Variants in RAD54B observed in about 807,000 individuals in gnomAD.
RAD54B encodes the protein DNA repair and recombination protein RAD54B.
RAD54B carries 78 observed loss-of-function variants against 95.8 expected under a neutral mutation model. The ratio of observed to expected loss-of-function variants is 0.81; its 90% confidence interval spans 0.68 to 0.98. The LOEUF is 0.98. Ranked by LOEUF, RAD54B falls within the 50% of genes least tolerant of loss-of-function variation. The pLI, the probability that RAD54B is intolerant of heterozygous loss-of-function variation, is 0.00. For synonymous variants in RAD54B, 328 were observed against 354.9 expected (o/e 0.92, Z 0.85); for missense variants, 957 against 1,056.6 (o/e 0.91, Z 1.31).
chr8:94,451,219 C>T (rs1217208157), intron 3 of RAD54B, among the ~76,000 whole-genome samples: 1 of 152,092 alleles, frequency 6.6e-6, no homozygotes, highest in Non-Finnish European at 1.5e-5. Flanking sequence ...GCCGGAAGCA[C>T]AAAAACGCTC....
Position 94,467,465 on chromosome 8 carries a change from T to G in RAD54B, c.75A>C (p.Arg25Ser). Residue 25 changes from arginine (R) to serine (S), a missense_variant, in exon 2 of 15, where the codon AGA becomes AGC. By Grantham distance (110) the Arg-to-Ser change is moderately radical. Transcript: ENST00000336148. ...TCTCTTCATTCAGACCTGGATTACTTCTTCCTGGAGGTATAAATTTTGGTT... is the reference window on the plus strand; with the variant it reads ...TCTCTTCATTCAGACCTGGATTACTGCTTCCTGGAGGTATAAATTTTGGTT... ...FKKPKFIPPGRSNPGLNEEIT... is the reference protein window; with the variant it reads ...FKKPKFIPPGSSNPGLNEEIT... 6.2e-7 allele frequency: 1 copy of G among 1,613,786 alleles called. No individual in the cohort carries two copies. The highest frequency in any genetic ancestry group is 8.5e-7 in the Non-Finnish European group (1 of 1,179,856).
intron 3 of RAD54B, among the ~76,000 whole-genome samples, chr8:94,412,751 T>C (rs1272049002): frequency 1.3e-5 from 2 of 152,192 alleles, no homozygotes; most frequent in African/African-American, 4.8e-5. Context: ...CAAAAGCATA[T>C]AAAGTATAAA....
chr8:94,411,443 G>C, intron 3 of RAD54B, 128 bp from the exon 4 acceptor site: 1 of 692,398 alleles, frequency 1.4e-6, no homozygotes, highest in Non-Finnish European at 2.3e-6. Context: ...AAGAATATTT[G>C]ATCATACTCA....
chr8:94,403,572 G>A (rs936974808), intron 6 of RAD54B, among the ~76,000 whole-genome samples: 6 of 151,846 alleles, frequency 4.0e-5, no homozygotes, highest in Non-Finnish European at 8.8e-5. Flanking sequence ...AGCTACTCAG[G>A]AGGCTGAGAT....
chr8:94,401,159 T>C (rs1416050158), intron 6 of RAD54B, among the ~76,000 whole-genome samples: 5 of 152,174 alleles, frequency 3.3e-5, no homozygotes, highest in Admixed American at 6.6e-5. Flanking sequence ...ATTACCAAAA[T>C]ACATAAGTAT....
chr8:94,450,592 A>C (rs188725076), intron 3 of RAD54B, among the ~76,000 whole-genome samples: 12 of 152,344 alleles, frequency 7.9e-5, no homozygotes, highest in African/African-American at 2.6e-4. Flanking sequence ...ACTTTTAATA[A>C]GGATATAAAA....
intron 6 of RAD54B, among the ~76,000 whole-genome samples, chr8:94,401,647 G>A (rs1025253721): frequency 6.6e-6 from 1 of 152,170 alleles, no homozygotes; most frequent in Non-Finnish European, 1.5e-5. Flanking sequence ...TTGTTCAAGA[G>A]TCAACTGTAG....
chr8:94,473,853 G>A (rs563883851), intron 1 of RAD54B, among the ~76,000 whole-genome samples: 1 of 152,218 alleles, frequency 6.6e-6, no homozygotes, highest in South Asian at 2.1e-4. Flanking sequence ...TTGAGACTCC[G>A]GCTATATAGA....
intron 3 of RAD54B, among the ~76,000 whole-genome samples, chr8:94,416,538 A>G (rs1416984581): frequency 1.3e-5 from 2 of 152,036 alleles, no homozygotes; most frequent in Non-Finnish European, 2.9e-5. Context: ...AAAAGAAAAA[A>G]AAATAAGACA....
chr8:94,428,174 T>C (rs1028487784), intron 3 of RAD54B: 2 of 839,164 alleles, frequency 2.4e-6, no homozygotes, highest in Non-Finnish European at 2.9e-6. Context: ...ATATATTGGA[T>C]GAAATAATCT....
At chr8:94,378,918 C>G (rs552394930) in intron 12 of RAD54B, among the ~76,000 whole-genome samples, 6 of 152,182 alleles carry the variant, frequency 3.9e-5, no homozygotes, top group Non-Finnish European at 5.9e-5. Context: ...GTATGGACAG[C>G]AAGAATGGAA....
At chr8:94,390,033 A>G (rs1810978963) in intron 10 of RAD54B, among the ~76,000 whole-genome samples, 1 of 152,144 alleles carries the variant, frequency 6.6e-6, no homozygotes, top group Admixed American at 6.5e-5. Flanking sequence ...ATCACTGTAT[A>G]TAGAATCAGT....
At chr8:94,465,279 C>G (rs1327543055) in intron 2 of RAD54B, among the ~76,000 whole-genome samples, 1 of 151,946 alleles carries the variant, frequency 6.6e-6, no homozygotes, top group African/African-American at 2.4e-5. Context: ...CACATACAGA[C>G]CAAAAAAAGC....
intron 8 of RAD54B, among the ~76,000 whole-genome samples, chr8:94,395,217 T>C (rs1297861918): frequency 1.3e-5 from 2 of 152,202 alleles, no homozygotes; most frequent in African/African-American, 4.8e-5. Context: ...TCTTGTCTCA[T>C]ACTGCGTTCA....
intron 11 of RAD54B, among the ~76,000 whole-genome samples, chr8:94,383,284 CAAAAAAA>C (rs34552024): frequency 2.4e-5 from 2 of 83,186 alleles, no homozygotes; most frequent in African/African-American, 4.7e-5. Flanking sequence ...GACTCCATCT[CAAAAAAA>C]AAAAAAAAAA....
intron 14 of RAD54B, 72 bp downstream of exon 14, chr8:94,378,108 T>C (rs1314250804): frequency 1.7e-6 from 2 of 1,177,248 alleles, no homozygotes; most frequent in African/African-American, 3.1e-5. Context: ...AGTTATTCTT[T>C]AAATATTTTC....
intron 5 of RAD54B, among the ~76,000 whole-genome samples, chr8:94,406,499 T>C (rs1056013591): frequency 3.3e-5 from 5 of 152,262 alleles, no homozygotes; most frequent in Admixed American, 2.6e-4. Flanking sequence ...TAAGCTAATA[T>C]AGAACTCAGA....
chr8:94,408,873 T>C (rs939434214), intron 4 of RAD54B, among the ~76,000 whole-genome samples: 3 of 152,228 alleles, frequency 2.0e-5, no homozygotes, highest in African/African-American at 7.2e-5. Flanking sequence ...ACCTTTAAAG[T>C]AGCTCTAATT....
intron 3 of RAD54B, among the ~76,000 whole-genome samples, chr8:94,434,106 A>G (rs1156741163): frequency 6.6e-6 from 1 of 151,898 alleles, no homozygotes; most frequent in Non-Finnish European, 1.5e-5. Flanking sequence ...TGTAATTCAA[A>G]GTAGCAAGCT....
Sources: allele counts gnomAD v4.1 joint callset (sites outside exome capture counted in the v4.1 genomes callset), GRCh38; gene constraint gnomAD v4.1.1; transcripts MANE v1.5; gene names NCBI Gene and HGNC (gene_info 2026-07-23, HGNC 2026-07-21).